The following SVIL variants were observed in gnomAD, a reference collection of about 807,000 sequenced individuals.
SVIL encodes archvillin.
SVIL carries 101 observed loss-of-function variants against 240.4 expected under a neutral mutation model. The observed-to-expected ratio is 0.42, with a 90% CI of 0.36 to 0.50. The LOEUF is 0.50. SVIL is among the 20% of genes least tolerant of loss of function. The pLI is 0.01. For missense variants in SVIL, 2,512 were observed against 2,818.7 expected (o/e 0.89, Z 2.46); for synonymous variants, 999 against 1,100.0 (o/e 0.91, Z 1.82).
chr10:29,701,805 T>C (rs958303482), intron 1 of SVIL, among the ~76,000 whole-genome samples: 5 of 152,234 alleles, frequency 3.3e-5, no homozygotes, highest in African/African-American at 1.2e-4. Flanking sequence ...CATTCTAATG[T>C]ATTTGGAAGA....
chr10:29,525,535 G>A (rs1350933016), intron 13 of SVIL, among the ~76,000 whole-genome samples: 1 of 152,172 alleles, frequency 6.6e-6, no homozygotes, highest in Non-Finnish European at 1.5e-5. Flanking sequence ...GATCGCTTGA[G>A]CCTGTGAGGT....
At chr10:29,512,642 A>C in intron 17 of SVIL, 93 bp downstream of exon 17, 1 of 1,603,722 alleles carries the variant, frequency 6.2e-7, no homozygotes, top group East Asian at 2.2e-5. Context: ...AATGCTTCAC[A>C]GAGTAGGAAT....
intron 22 of SVIL, 126 bp from the exon 23 acceptor site, chr10:29,488,882 C>A: frequency 9.3e-7 from 1 of 1,070,506 alleles, no homozygotes; most frequent in Admixed American, 2.8e-5. Context: ...AGAGGGAAAA[C>A]ATACTCAAGT....
At chr10:29,536,745 A>G (rs1417426361) in intron 6 of SVIL, among the ~76,000 whole-genome samples, 1 of 151,994 alleles carries the variant, frequency 6.6e-6, no homozygotes, top group Non-Finnish European at 1.5e-5. Context: ...CCCCATCTCT[A>G]CTAAAAATAC....
intron 1 of SVIL, among the ~76,000 whole-genome samples, chr10:29,729,064 T>A (rs1442582526): frequency 2.0e-5 from 3 of 152,024 alleles, no homozygotes; most frequent in Non-Finnish European, 4.4e-5. Flanking sequence ...TGGGGAGTGG[T>A]ACTATGGCTG....
At position 29,690,774 on chromosome 10, in the gene SVIL, G is replaced by A. The variant is rs570084910; in HGVS notation, c.-399-4123C>T. 5.9e-5 allele frequency among the ~76,000 whole-genome samples: 9 copies of A among 152,212 alleles called. 1 individual carries two copies. The highest frequency in any genetic ancestry group is 1.9e-4 in the African/African-American group (8 of 41,542). ...CCTATTTCATTCGAACACAACCCAT[G>A]AGAACACCTGCATATGGTTGTTAAT... is the stretch of plus-strand genomic sequence containing the variant. On this transcript the variant is annotated intron_variant, in intron 1 of 35. Transcript: ENST00000375400.
chr10:29,698,015 C>G, intron 1 of SVIL: 1 of 901,922 alleles, frequency 1.1e-6, no homozygotes. Context: ...TGCCCAAGGA[C>G]ATAGCCAAGC....
intron 1 of SVIL, among the ~76,000 whole-genome samples, chr10:29,604,331 C>T (rs1956931287): frequency 7.6e-6 from 1 of 131,140 alleles, no homozygotes; most frequent in Non-Finnish European, 1.6e-5. Flanking sequence ...ACCTAAGTAG[C>T]TGGGATTACA....
chr10:29,648,759 A>T (rs1183781775), intron 3 of SVIL, among the ~76,000 whole-genome samples: 1 of 151,980 alleles, frequency 6.6e-6, no homozygotes, highest in Non-Finnish European at 1.5e-5. Flanking sequence ...TTCTCCCATG[A>T]TTGGAAGTTG....
intron 2 of SVIL, among the ~76,000 whole-genome samples, chr10:29,663,829 G>A (rs1959185570): frequency 6.6e-6 from 1 of 152,228 alleles, no homozygotes; most frequent in African/African-American, 2.4e-5. Flanking sequence ...GCAGCCGCTG[G>A]TTCTCCCGGT....
Position 29,463,765 on chromosome 10 carries a change from T to C in SVIL, c.6134-130A>G, listed in dbSNP as rs538662310. 6 of 1,330,282 alleles carry C rather than the reference T, an allele frequency of 4.5e-6. No homozygotes were observed. The African/African-American group carries it at 8.9e-5, about 20-fold the overall frequency. 82.4% of individuals were successfully genotyped at this position (1,330,282 alleles called of 1,614,324 possible). On this transcript the variant is annotated intron_variant, in intron 34 of 37. Transcript: ENST00000355867. ...TCACAGGGGGAAACCCCCTTGGCCA[T>C]CAAACCAGGGGCAAAGGGGCAAACA...
chr10:29,537,507 G>A (rs1951825935), intron 6 of SVIL, among the ~76,000 whole-genome samples: 1 of 152,136 alleles, frequency 6.6e-6, no homozygotes. Flanking sequence ...CAAGTCAAAG[G>A]AGGAACACTC....
intron 1 of SVIL, among the ~76,000 whole-genome samples, chr10:29,585,515 G>A (rs1038418301): frequency 3.3e-5 from 5 of 152,180 alleles, no homozygotes; most frequent in African/African-American, 1.2e-4. Flanking sequence ...AGAGGAGAAA[G>A]TGAATTTGTG....
chr10:29,596,460 G>A (rs1362854856), intron 1 of SVIL, among the ~76,000 whole-genome samples: 3 of 152,046 alleles, frequency 2.0e-5, no homozygotes, highest in East Asian at 3.9e-4. Flanking sequence ...GCAACAGAGC[G>A]AGGCCCTGTC....
In SVIL at chr10:29,550,564, G is replaced by C. The variant is rs115822094; in HGVS notation, c.827+33C>G. ...AGGCAAAAAGAAGGTATTGTCCTGC[G>C]TTCAGGGTGCTTAGCGTGGACTGGA... On this transcript the variant is annotated intron_variant, in intron 6 of 37. Transcript: ENST00000355867. The C allele has an allele frequency of 3.9e-3, 6,049 of 1,554,900 alleles. 126 individuals carry two copies. In the African/African-American group the frequency reaches 0.053, roughly 14 times the overall value.
chr10:29,531,374 T>C, intron 9 of SVIL, 86 bp from the exon 10 acceptor site: 1 of 1,289,606 alleles, frequency 7.8e-7, no homozygotes, highest in East Asian at 2.4e-5. Context: ...AAAGTAAAAA[T>C]AAAAATGCAA....
rs1948135104 is a variant in SVIL, at chr10:29,493,269, T to C, written c.3964A>G (p.Ser1322Gly). 6.2e-7 allele frequency: 1 copy of C among 1,614,018 alleles called. No individual in the cohort carries two copies. The highest frequency in any genetic ancestry group is 1.7e-5 in the Admixed American group (1 of 59,998). Residue 1322 changes from serine (S) to glycine (G), a missense_variant, in exon 21 of 38, where the codon AGT becomes GGT. Transcript: ENST00000355867. ...YRSVDYNMPR[S>G]PVEMDEDFDV... is the part of the protein sequence containing the mutation. ...AAGTCCTCATCCATCTCCACAGGAC[T>C]TCTTGGCATATTATAATCCACGCTG... is the stretch of plus-strand genomic sequence containing the variant.
At chr10:29,626,992 C>G (rs1265587774) in intron 1 of SVIL, among the ~76,000 whole-genome samples, 1 of 151,540 alleles carries the variant, frequency 6.6e-6, no homozygotes, top group East Asian at 1.9e-4. Flanking sequence ...CCACTGAGCT[C>G]CAGCCTGGGA....
intron 3 of SVIL, among the ~76,000 whole-genome samples, chr10:29,640,999 A>G (rs753673907): frequency 6.6e-6 from 1 of 152,200 alleles, no homozygotes; most frequent in Non-Finnish European, 1.5e-5. Flanking sequence ...CTTGCTTCTT[A>G]CCCATGGAAG....
Sources: allele counts gnomAD v4.1 joint callset (sites outside exome capture counted in the v4.1 genomes callset), GRCh38; gene constraint gnomAD v4.1.1; transcripts MANE v1.5; gene names NCBI Gene and HGNC (gene_info 2026-07-23, HGNC 2026-07-21).